The following KAZN variants were observed in gnomAD, a reference collection of about 807,000 sequenced individuals.
KAZN encodes the protein kazrin.
In KAZN, 40 loss-of-function variants were observed where a neutral mutation model predicts 87.4. The observed-to-expected ratio is 0.46, with a 90% CI of 0.36 to 0.60. The LOEUF is 0.60. KAZN is among the 20% of genes least tolerant of loss of function. The pLI is 0.00. For missense variants in KAZN, 898 were observed against 1,073.9 expected, an observed-to-expected ratio of 0.84 and a Z score of 2.29; for synonymous variants, 466 against 458.3, an observed-to-expected ratio of 1.02 and a Z score of -0.22.
chr1:15,048,187 C>T lies in KAZN; in HGVS notation c.726+4028C>T, dbSNP rs990525559. Reference sequence around the variant, plus strand: ...CCAACTCTGGGCCGCCCCACACACCCTCTTCGCTGCTTCACTTGGGGAAAA... The same window carrying T: ...CCAACTCTGGGCCGCCCCACACACCTTCTTCGCTGCTTCACTTGGGGAAAA... On this transcript the variant is annotated intron_variant, in intron 4 of 14. Coordinates refer to ENST00000376030, the MANE Select transcript of KAZN (RefSeq NM_201628.3). Among the ~76,000 whole-genome samples the T allele has an allele frequency of 2.6e-5, 4 of 152,370 alleles. No individual in the cohort carries two copies. The East Asian group carries it at 5.8e-4, about 22-fold the overall frequency.
intron 1 of KAZN, among the ~76,000 whole-genome samples, chr1:13,909,399 T>G (rs1458070258): frequency 2.0e-5 from 3 of 151,652 alleles, no homozygotes; most frequent in Admixed American, 1.3e-4. Flanking sequence ...AGGAGGGAGG[T>G]ATTGATTTCT....
At chr1:14,402,296 A>AT (rs1663483496) in intron 2 of KAZN, among the ~76,000 whole-genome samples, 1 of 152,034 alleles carries the variant, frequency 6.6e-6, no homozygotes, top group Non-Finnish European at 1.5e-5. Flanking sequence ...ATAGCAACAA[A>AT]TTTATGAAAG....
At chr1:14,598,551 C>T (rs183609300), upstream of KAZN, among the ~76,000 whole-genome samples, 610 of 152,220 alleles carry the variant, frequency 4.0e-3, 5 homozygotes, top group African/African-American at 0.014. The surrounding 1 kb of genome is among the most constrained non-coding windows in gnomAD (Gnocchi z 4.2). Flanking sequence ...GCCTCCGCCC[C>T]CCCGGGGGGT....
At chr1:14,280,370 CAAAAAAAAAAA>C (rs1162522967) in intron 2 of KAZN, among the ~76,000 whole-genome samples, 618 of 36,894 alleles carry the variant, frequency 0.017, 8 homozygotes, top group South Asian at 0.056. Context: ...GACTCCATCT[CAAAAAAAAAAA>C]AAAAAAAAAA....
chr1:15,027,183 G>A (rs1193130697), intron 2 of KAZN, among the ~76,000 whole-genome samples: 4 of 141,742 alleles, frequency 2.8e-5, no homozygotes, highest in East Asian at 2.3e-4. Context: ...CCGGGTTCAC[G>A]CCATTCTCCT....
Position 14,340,887 on chromosome 1 carries a change from C to CTTTTTTTTTTTTTT in KAZN, c.249+160295_249+160296insTTTTTTTTTTTTTT, listed in dbSNP as rs1557650364. ...TATCTCCGTAAGGGTCATGATTTTC[C>CTTTTTTTTTTTTTT]CTTTTTTTTTTTTTTTTTGAGATGG... On this transcript the variant is annotated intron_variant, in intron 2 of 16. Transcript: ENST00000636203. Among the ~76,000 whole-genome samples, 83 of 45,054 alleles carry CTTTTTTTTTTTTTT rather than the reference C, an allele frequency of 1.8e-3. 2 individuals carry two copies. Among genetic ancestry groups the CTTTTTTTTTTTTTT allele is most frequent in the African/African-American group, 9.4e-3 (77 of 8,198 alleles). 29.6% of individuals were successfully genotyped at this position (45,054 alleles called of 152,430 possible). A position where few individuals can be genotyped will look rare whatever the true frequency, so the allele number is the denominator to read the frequency against.
At chr1:14,265,513 T>C (rs1250803968) in intron 2 of KAZN, among the ~76,000 whole-genome samples, 2 of 152,194 alleles carry the variant, frequency 1.3e-5, no homozygotes, top group African/African-American at 2.4e-5. Context: ...GCAGGGACTT[T>C]AGGGAACAGT....
chr1:14,378,432 G>C (rs996603527), intron 2 of KAZN, among the ~76,000 whole-genome samples: 3 of 152,214 alleles, frequency 2.0e-5, no homozygotes, highest in Non-Finnish European at 4.4e-5. Flanking sequence ...AAAATCAGGT[G>C]AATACTCCCA....
At position 14,160,956 on chromosome 1, in the gene KAZN, T is replaced by A. The variant is rs149653827; in HGVS notation, c.92-19479T>A. On this transcript the variant is annotated intron_variant, in intron 1 of 16. Coordinates refer to the KAZN transcript ENST00000636203. Reference sequence around the variant, plus strand: ...GACTTATCTTTGTGGTTTGATGGAATCTTAATGGTTGTGTTATGACTTATC... The same window carrying A: ...GACTTATCTTTGTGGTTTGATGGAAACTTAATGGTTGTGTTATGACTTATC... Among the ~76,000 whole-genome samples the A allele has an allele frequency of 2.7e-4, 41 of 152,366 alleles. No homozygotes were observed. The East Asian group carries it at 7.3e-3, about 27-fold the overall frequency.
intron 1 of KAZN, among the ~76,000 whole-genome samples, chr1:14,608,397 G>A (rs1047287017): frequency 2.0e-5 from 3 of 152,228 alleles, no homozygotes; most frequent in Non-Finnish European, 4.4e-5. Flanking sequence ...CTAGATGGGT[G>A]TAATGGAAAA....
chr1:14,384,076 A>T (rs9728572), intron 2 of KAZN, among the ~76,000 whole-genome samples: 1 of 151,720 alleles, frequency 6.6e-6, no homozygotes, highest in African/African-American at 2.4e-5. Flanking sequence ...TCTTTGAAGC[A>T]ATTGTGAATG....
intron 2 of KAZN, among the ~76,000 whole-genome samples, chr1:14,315,654 A>G (rs1036454932): frequency 1.3e-5 from 2 of 152,028 alleles, no homozygotes; most frequent in Non-Finnish European, 2.9e-5. Flanking sequence ...ATGATGTAGT[A>G]TGTCCTCTTT....
intron 2 of KAZN, among the ~76,000 whole-genome samples, chr1:14,341,563 G>T (rs1175696260): frequency 6.6e-6 from 1 of 152,164 alleles, no homozygotes; most frequent in African/African-American, 2.4e-5. Context: ...GGTTGCTTCT[G>T]CCTCAGGACT....
chr1:14,822,993 G>A (rs1466255183), intron 1 of KAZN, among the ~76,000 whole-genome samples: 1 of 152,178 alleles, frequency 6.6e-6, no homozygotes. Flanking sequence ...ATCCTATGGG[G>A]AAGGGGGGCT....
chr1:14,416,996 GTA>G (rs1457592383), intron 2 of KAZN, among the ~76,000 whole-genome samples: 1 of 106,614 alleles, frequency 9.4e-6, no homozygotes. Flanking sequence ...ATATATGTGT[GTA>G]TGTATATATA....
At chr1:14,643,235 C>T (rs556764635) in intron 1 of KAZN, among the ~76,000 whole-genome samples, 12 of 152,234 alleles carry the variant, frequency 7.9e-5, no homozygotes, top group Middle Eastern at 3.4e-3. Flanking sequence ...TGTGTCACAA[C>T]GAGGGGGAGT....
intron 2 of KAZN, among the ~76,000 whole-genome samples, chr1:14,279,641 G>A (rs1255166323): frequency 6.6e-6 from 1 of 152,166 alleles, no homozygotes; most frequent in African/African-American, 2.4e-5. Flanking sequence ...AGAAAACAAA[G>A]ATAAGGATGC....
At chr1:14,998,158 G>A (rs528643314) in intron 2 of KAZN, among the ~76,000 whole-genome samples, 4 of 152,248 alleles carry the variant, frequency 2.6e-5, no homozygotes, top group African/African-American at 7.2e-5. Flanking sequence ...GCGGGGGGGA[G>A]GGGCAGCGCG....
chr1:14,068,610 G>A (rs751449995), intron 1 of KAZN, among the ~76,000 whole-genome samples: 42 of 152,144 alleles, frequency 2.8e-4, no homozygotes, highest in Non-Finnish European at 3.5e-4. Context: ...TGAGTAGGGT[G>A]CAAAGGCAGT....
Sources: allele counts gnomAD v4.1 joint callset (sites outside exome capture counted in the v4.1 genomes callset), GRCh38; gene constraint gnomAD v4.1.1; non-coding constraint Gnocchi (gnomAD v3.1); transcripts MANE v1.5; gene names NCBI Gene and HGNC (gene_info 2026-07-23, HGNC 2026-07-21).